MYZAP: variants seen among roughly 807,000 people sequenced by gnomAD.
The protein encoded by MYZAP is GRINL1A complex locus upstream.
In MYZAP, 66 loss-of-function variants were observed where a neutral mutation model predicts 69.4. The ratio of observed to expected loss-of-function variants is 0.95; its 90% CI spans 0.78 to 1.17. The LOEUF is 1.17. Among genes scored for constraint, MYZAP ranks in the 50% most tolerant of loss-of-function variants. The pLI, the probability that MYZAP is intolerant of heterozygous loss-of-function variation, is 0.00. For missense variants in MYZAP, 611 were observed against 556.2 expected (o/e 1.10, Z -0.99); for synonymous variants, 256 against 205.9 (o/e 1.24, Z -2.09).
chr15:57,618,556 A>G (rs1267391937), intron 3 of MYZAP, among the ~76,000 whole-genome samples: 1 of 152,212 alleles, frequency 6.6e-6, no homozygotes, highest in African/African-American at 2.4e-5. Flanking sequence ...ATTCAGATCA[A>G]TCAGTTGGGT....
intron 7 of MYZAP, among the ~76,000 whole-genome samples, chr15:57,633,104 G>T (rs550766191): frequency 6.6e-6 from 1 of 152,322 alleles, no homozygotes; most frequent in South Asian, 2.1e-4. Context: ...GCTTTTCCAG[G>T]AGATTATAAG....
intron 8 of MYZAP, 42 bp from the exon 9 acceptor site, chr15:57,637,653 T>G (rs2036891892): frequency 6.3e-7 from 1 of 1,597,232 alleles, no homozygotes; most frequent in Non-Finnish European, 8.5e-7. Context: ...TCTGTCAAAC[T>G]TGGGATCCAT....
At chr15:57,629,273 T>C (rs571211276) in intron 5 of MYZAP, among the ~76,000 whole-genome samples, 12 of 152,060 alleles carry the variant, frequency 7.9e-5, no homozygotes, top group Admixed American at 5.9e-4. Context: ...CTGGTCTTTT[T>C]CCCCCCAGTG....
In MYZAP at chr15:57,592,146, C is replaced by T. The variant is rs865782710; in HGVS notation, c.75+37C>T. Reference sequence around the variant, plus strand: ...GGGCGGGAGCCGCCGCCGTCCCGTTCCCCCATCCCGGCCGCCCCCTCTAGA... The same window carrying T: ...GGGCGGGAGCCGCCGCCGTCCCGTTTCCCCATCCCGGCCGCCCCCTCTAGA... On this transcript the variant is annotated intron_variant, in intron 1 of 12. Coordinates refer to ENST00000267853, the MANE Select transcript of MYZAP (RefSeq NM_001018100.5). 7.0e-6 allele frequency: 9 copies of T among 1,281,342 alleles called. No individual in the cohort carries two copies. The South Asian group carries it at 7.4e-5, about 10-fold the overall frequency. The allele number at this position is 1,281,342 out of a possible 1,614,324, so 79.4% of individuals were successfully genotyped here. A position where few individuals can be genotyped will look rare whatever the true frequency, so the allele number is the denominator to read the frequency against.
chr15:57,595,316 G>T (rs574794648), intron 1 of MYZAP, among the ~76,000 whole-genome samples: 26 of 152,280 alleles, frequency 1.7e-4, no homozygotes, highest in African/African-American at 6.3e-4. Flanking sequence ...CAAACCAGTT[G>T]TGCACTAAAA....
At chr15:57,637,516 A>G (rs1006766997) in intron 8 of MYZAP, among the ~76,000 whole-genome samples, 179 bp from the exon 9 acceptor site, 2 of 152,222 alleles carry the variant, frequency 1.3e-5, no homozygotes, top group Non-Finnish European at 2.9e-5. Flanking sequence ...AAATATATCT[A>G]TAAATACACA....
intron 3 of MYZAP, among the ~76,000 whole-genome samples, chr15:57,621,209 T>C (rs1401500538): frequency 6.8e-6 from 1 of 146,116 alleles, no homozygotes; most frequent in African/African-American, 2.5e-5. Context: ...CTTTTTCTTT[T>C]TTTTTTTTTT....
Position 57,674,782 on chromosome 15 carries a change from G to A in MYZAP, c.1204-186G>A, listed in dbSNP as rs145912745. ...GCACATGTCTGTACATGCATAGCAA[G>A]CCATTTGTATGCATTCAGTCAATCT... is the stretch of plus-strand genomic sequence containing the variant. On this transcript the variant is annotated intron_variant, in intron 11 of 12. Coordinates refer to ENST00000267853, the MANE Select transcript of MYZAP (RefSeq NM_001018100.5). Among the ~76,000 whole-genome samples the A allele has an allele frequency of 3.6e-3, 546 of 152,300 alleles. 10 individuals carry two copies. Among genetic ancestry groups the A allele is most frequent in the African/African-American group, 0.011 (437 of 41,568 alleles).
chr15:57,622,171 A>T (rs1050007322), intron 4 of MYZAP, among the ~76,000 whole-genome samples: 2 of 151,984 alleles, frequency 1.3e-5, no homozygotes, highest in Non-Finnish European at 2.9e-5. Context: ...AATTTTATAC[A>T]CACACACACA....
Position 57,603,677 on chromosome 15 carries a change from ATAT to A in MYZAP, c.76-590_76-588del, listed in dbSNP as rs781226418. 5.9e-5 allele frequency among the ~76,000 whole-genome samples: 9 copies of A among 152,098 alleles called. No individual in the cohort carries two copies. In the South Asian group the frequency reaches 1.9e-3, roughly 32 times the overall value. On this transcript the variant is annotated intron_variant, in intron 1 of 12. Transcript: ENST00000267853. The stretch of plus-strand genomic sequence containing the variant: ...TGTGTCAGAATTTCCTTCCTTTTTA[ATAT>A]TGGGTAATATTCCATTGTATGTATA...
At chr15:57,673,572 C>G (rs2038979657) in intron 11 of MYZAP, among the ~76,000 whole-genome samples, 1 of 150,380 alleles carries the variant, frequency 6.6e-6, no homozygotes, top group Non-Finnish European at 1.5e-5. Flanking sequence ...GTGATAGATT[C>G]AGAACCCATC....
rs1355764772 is a variant in MYZAP, at chr15:57,592,029, T to C, written c.-6T>C. 2 of 1,434,810 alleles carry C rather than the reference T, an allele frequency of 1.4e-6. No homozygotes were observed. The highest frequency in any genetic ancestry group is 3.0e-5 in the African/African-American group (2 of 67,340). 88.9% of individuals were successfully genotyped at this position (1,434,810 alleles called of 1,614,324 possible). A position where few individuals can be genotyped will look rare whatever the true frequency, so the allele number is the denominator to read the frequency against. On this transcript the variant is annotated 5_prime_UTR_variant, in exon 1 of 13. Coordinates refer to ENST00000267853, the MANE Select transcript of MYZAP (RefSeq NM_001018100.5). Reference sequence around the variant, plus strand: ...CGTCCAGCCCGCTACCGACCGCCGCTGCGGGATGCTGCGCTCCACGTCCAC... The same window carrying C: ...CGTCCAGCCCGCTACCGACCGCCGCCGCGGGATGCTGCGCTCCACGTCCAC...
intron 8 of MYZAP, among the ~76,000 whole-genome samples, chr15:57,635,094 G>C (rs74016364): frequency 1.3e-3 from 201 of 152,322 alleles, no homozygotes; most frequent in African/African-American, 4.7e-3. Context: ...ACCACAGGTA[G>C]TGGTCATGAA....
At chr15:57,601,760 C>CCCCA (rs2034430988) in intron 1 of MYZAP, among the ~76,000 whole-genome samples, 1 of 152,098 alleles carries the variant, frequency 6.6e-6, no homozygotes, top group African/African-American at 2.4e-5. Flanking sequence ...ATTTAAAGAA[C>CCCCA]TGGGGTTGTT....
intron 11 of MYZAP, among the ~76,000 whole-genome samples, chr15:57,663,237 A>C (rs2038401109): frequency 6.6e-6 from 1 of 151,538 alleles, no homozygotes; most frequent in African/African-American, 2.4e-5. Flanking sequence ...GTGCTGCTAA[A>C]GCAAGCTCTC....
intron 4 of MYZAP, among the ~76,000 whole-genome samples, chr15:57,624,804 G>C (rs1331527557): frequency 2.6e-5 from 4 of 152,118 alleles, no homozygotes; most frequent in Non-Finnish European, 5.9e-5. Flanking sequence ...TGAACACAAA[G>C]CTGCCACATG....
chr15:57,613,889 T>C (rs939449687), intron 2 of MYZAP, among the ~76,000 whole-genome samples: 20 of 150,866 alleles, frequency 1.3e-4, no homozygotes, highest in South Asian at 1.0e-3. Context: ...ATCATCATAA[T>C]GCTCTTCTGC....
chr15:57,604,582 C>A (rs1395755155), intron 2 of MYZAP, among the ~76,000 whole-genome samples: 2 of 152,192 alleles, frequency 1.3e-5, no homozygotes, highest in African/African-American at 4.8e-5. Context: ...TTGGTGAACA[C>A]TATGGCTTTG....
chr15:57,607,920 G>A (rs1249117238), intron 2 of MYZAP, among the ~76,000 whole-genome samples: 1 of 152,306 alleles, frequency 6.6e-6, no homozygotes, highest in African/African-American at 2.4e-5. Flanking sequence ...CTCTGTAGGG[G>A]CCACTTCCTT....
Sources: allele counts gnomAD v4.1 joint callset (sites outside exome capture counted in the v4.1 genomes callset), GRCh38; gene constraint gnomAD v4.1.1; transcripts MANE v1.5; gene names NCBI Gene and HGNC (gene_info 2026-07-23, HGNC 2026-07-21).